GRIN2B: variants seen among roughly 807,000 people sequenced by gnomAD.
GRIN2B encodes glutamate ionotropic receptor NMDA type subunit 2B, also known as glutamate receptor ionotropic, NMDA 2B.
GRIN2B carries 5 observed loss-of-function variants against 114.5 expected under a neutral mutation model. The ratio of observed to expected loss-of-function variants is 0.04; its 90% CI spans 0.02 to 0.09. The LOEUF (loss-of-function observed/expected upper bound fraction) is 0.09, where lower values mean the gene tolerates loss of function less well. Ranked by LOEUF, GRIN2B falls within the 10% of genes least tolerant of loss-of-function variation. GRIN2B has a pLI of 1.00. For synonymous variants in GRIN2B, 787 were observed against 745.1 expected (o/e 1.06, Z -0.92); for missense variants, 1,108 against 1,943.5 (o/e 0.57, Z 8.08).
chr12:13,749,275 A>G (rs61912122), intron 4 of GRIN2B, among the ~76,000 whole-genome samples: 1,569 of 152,310 alleles, frequency 0.01, 19 homozygotes, highest in South Asian at 0.017. Context: ...TCCATCCCCT[A>G]AGTGTAGACT....
At chr12:13,826,844 C>T (rs1028416572) in intron 3 of GRIN2B, among the ~76,000 whole-genome samples, 3 of 151,940 alleles carry the variant, frequency 2.0e-5, no homozygotes, top group African/African-American at 2.4e-5. Flanking sequence ...TATCTGATAC[C>T]ATTTTTCTTT....
chr12:13,927,418 T>A (rs753620163), intron 2 of GRIN2B, among the ~76,000 whole-genome samples: 11 of 152,140 alleles, frequency 7.2e-5, no homozygotes, highest in Non-Finnish European at 1.5e-4. Context: ...TTGTGGGCCA[T>A]ATGGTCTCTG....
chr12:13,879,656 C>T (rs547774192), intron 2 of GRIN2B, among the ~76,000 whole-genome samples: 1 of 152,242 alleles, frequency 6.6e-6, no homozygotes, highest in African/African-American at 2.4e-5. Flanking sequence ...GCCTCTTGAC[C>T]CTGCTAGAAT....
chr12:13,698,625 T>C (rs1258138287), intron 4 of GRIN2B, among the ~76,000 whole-genome samples: 1 of 152,158 alleles, frequency 6.6e-6, no homozygotes, highest in African/African-American at 2.4e-5. Flanking sequence ...AAATATATTT[T>C]AAAAACCAAA....
chr12:13,586,556 C>T (rs1471112581), intron 10 of GRIN2B, among the ~76,000 whole-genome samples: 1 of 151,998 alleles, frequency 6.6e-6, no homozygotes, highest in Non-Finnish European at 1.5e-5. Flanking sequence ...ACACAGGAGC[C>T]GAGGAATAAT....
At chr12:13,659,982 C>A (rs1035629181) in intron 5 of GRIN2B, among the ~76,000 whole-genome samples, 1 of 152,248 alleles carries the variant, frequency 6.6e-6, no homozygotes, top group South Asian at 2.1e-4. Context: ...GTATACAGGG[C>A]TGTATGGCAG....
chr12:13,585,280 G>A (rs773865670), intron 10 of GRIN2B, among the ~76,000 whole-genome samples: 64 of 152,148 alleles, frequency 4.2e-4, no homozygotes, highest in Non-Finnish European at 5.9e-4. Flanking sequence ...TCCGCCAGGC[G>A]GAGGCCAGGG....
intron 2 of GRIN2B, among the ~76,000 whole-genome samples, chr12:13,867,696 C>T (rs1865848864): frequency 6.6e-6 from 1 of 152,160 alleles, no homozygotes; most frequent in East Asian, 1.9e-4. Flanking sequence ...AAAACAGAAG[C>T]TCAACACAGT....
At chr12:13,744,406 C>T (rs1275480922) in intron 4 of GRIN2B, among the ~76,000 whole-genome samples, 2 of 152,180 alleles carry the variant, frequency 1.3e-5, no homozygotes, top group Non-Finnish European at 2.9e-5. Context: ...GGAATACATG[C>T]ACACATGAAT....
intron 10 of GRIN2B, among the ~76,000 whole-genome samples, chr12:13,583,186 A>C (rs1428228049): frequency 1.3e-5 from 2 of 152,238 alleles, no homozygotes; most frequent in Non-Finnish European, 2.9e-5. Flanking sequence ...CTGAGCTCTG[A>C]AATAAAATGA....
chr12:13,888,682 C>A (rs894106494), intron 2 of GRIN2B, among the ~76,000 whole-genome samples: 1 of 150,740 alleles, frequency 6.6e-6, no homozygotes, highest in African/African-American at 2.4e-5. Context: ...TGTAGAGAGC[C>A]GAGATCGCAC....
intron 4 of GRIN2B, among the ~76,000 whole-genome samples, chr12:13,704,266 G>C (rs1049399578): frequency 5.9e-5 from 9 of 152,182 alleles, no homozygotes; most frequent in African/African-American, 1.9e-4. Context: ...CCACCATGCA[G>C]AGCCAATGCC....
chr12:13,831,931 A>C (rs1291023166), intron 3 of GRIN2B, among the ~76,000 whole-genome samples: 2 of 152,242 alleles, frequency 1.3e-5, no homozygotes, highest in Non-Finnish European at 2.9e-5. Context: ...CTTTGGAAGA[A>C]ACACTTTCAT....
Position 13,564,601 on chromosome 12 carries a change from C to G in GRIN2B, c.2637G>C (p.Glu879Asp), listed in dbSNP as rs200754384. Residue 879 changes from glutamate to aspartate, a missense_variant, in exon 14 of 14, where the codon GAG becomes GAC. Physicochemically the swap from Glu to Asp is conservative, Grantham distance 45. Coordinates refer to ENST00000609686, the MANE Select transcript of GRIN2B (RefSeq NM_000834.5). The surrounding 1 kb of genome is among the most constrained non-coding windows in gnomAD (Gnocchi z 4.8). ...TGGGGGAGTTCATTACAGACTGGCG[C>G]TCCTCGATCGCCACCCCATGGATGC... ...YSCIHGVAIE[E>D]RQSVMNSPTA... 1 of 1,613,870 alleles carries G rather than the reference C, an allele frequency of 6.2e-7. No individual in the cohort carries two copies. The highest frequency in any genetic ancestry group is 8.5e-7 in the Non-Finnish European group (1 of 1,179,946).
Position 13,866,033 on chromosome 12 carries a change from A to G in GRIN2B, c.176T>C (p.Phe59Ser). 6.2e-7 allele frequency: 1 copy of G among 1,613,990 alleles called. No homozygotes were observed. Among genetic ancestry groups the G allele is most frequent in the Non-Finnish European group, 8.5e-7 (1 of 1,179,900 alleles). The change falls in exon 3 of 14, where the codon TTC (phenylalanine) becomes TCC (serine). Residue 59 changes from phenylalanine (F) to serine (S), a missense_variant. By Grantham distance (155) the Phe-to-Ser change is radical (BLOSUM62 -2). Around this residue, in one of 19 missense-constraint regions of GRIN2B, gnomAD observed 199 missense variants for 439.6 expected, o/e 0.45. Coordinates refer to ENST00000609686, the MANE Select transcript of GRIN2B (RefSeq NM_000834.5). Reference protein sequence around the residue: ...AIKDAHEKDDFHHLSVVPRVE... With the variant: ...AIKDAHEKDDSHHLSVVPRVE... Reference sequence around the variant, plus strand: ...CCGGGGTACCACGGAGAGATGGTGGAAATCATCTTTCTCGTGGGCATCCTT... The same window carrying G: ...CCGGGGTACCACGGAGAGATGGTGGGAATCATCTTTCTCGTGGGCATCCTT...
chr12:13,733,921 A>C (rs1359063916), intron 4 of GRIN2B, among the ~76,000 whole-genome samples: 1 of 152,236 alleles, frequency 6.6e-6, no homozygotes, highest in African/African-American at 2.4e-5. Context: ...CTGAAAAGGT[A>C]AAATGACTTG....
intron 5 of GRIN2B, among the ~76,000 whole-genome samples, chr12:13,652,755 C>T (rs1337558208): frequency 1.3e-5 from 2 of 152,126 alleles, no homozygotes; most frequent in African/African-American, 2.4e-5. Context: ...TGTCTCTGAT[C>T]ACTCAGTAGC....
chr12:13,577,026 G>A (rs1185234641), intron 10 of GRIN2B, among the ~76,000 whole-genome samples: 7 of 152,314 alleles, frequency 4.6e-5, no homozygotes, highest in South Asian at 2.1e-4. Flanking sequence ...AGATCAAGTC[G>A]TTCCAGTAGA....
intron 5 of GRIN2B, among the ~76,000 whole-genome samples, chr12:13,638,639 C>A (rs1007275408): frequency 6.6e-6 from 1 of 152,102 alleles, no homozygotes; most frequent in Non-Finnish European, 1.5e-5. Context: ...ATGAGTCCAT[C>A]TCTGTTTGAA....
Sources: allele counts gnomAD v4.1 joint callset (sites outside exome capture counted in the v4.1 genomes callset), GRCh38; gene constraint gnomAD v4.1.1; regional missense constraint gnomAD v4.1.1; non-coding constraint Gnocchi (gnomAD v3.1); transcripts MANE v1.5; gene names NCBI Gene and HGNC (gene_info 2026-07-23, HGNC 2026-07-21).